Variants in PTPRD observed in about 807,000 individuals in gnomAD.
PTPRD encodes receptor-type tyrosine-protein phosphatase delta.
Under a neutral mutation model 214.5 loss-of-function variants are expected in PTPRD, and 34 were observed. The observed-to-expected ratio is 0.16, with a 90% confidence interval of 0.12 to 0.21. The LOEUF is 0.21. PTPRD is among the 10% of genes least tolerant of loss of function. The probability of loss-of-function intolerance (pLI) is 1.00; values close to 1 mark genes in which losing one functional copy is unlikely to be tolerated. For synonymous variants in PTPRD, 1,128 were observed against 845.7 expected (o/e 1.33, Z -5.79); for missense variants, 2,545 against 2,398.7 (o/e 1.06, Z -1.27).
At chr9:8,506,101 T>C (rs955857637) in intron 22 of PTPRD, among the ~76,000 whole-genome samples, 1 of 152,216 alleles carries the variant, frequency 6.6e-6, no homozygotes, top group African/African-American at 2.4e-5. Flanking sequence ...ACAGATGGAA[T>C]AAAACAGAAG....
At chr9:9,454,706 G>C (rs954499005) in intron 8 of PTPRD, among the ~76,000 whole-genome samples, 22 of 151,416 alleles carry the variant, frequency 1.5e-4, no homozygotes, top group Admixed American at 1.3e-3. Context: ...TATTTGTATA[G>C]CTATTTTGCA....
intron 7 of PTPRD, among the ~76,000 whole-genome samples, chr9:9,636,217 C>A (rs1306536189): frequency 6.6e-6 from 1 of 152,154 alleles, no homozygotes; most frequent in African/African-American, 2.4e-5. Flanking sequence ...CTCCTTAAGC[C>A]TCCTCAGGAA....
chr9:8,330,484 G>C (rs1563980402), intron 44 of PTPRD, among the ~76,000 whole-genome samples: 1 of 152,162 alleles, frequency 6.6e-6, no homozygotes, highest in Non-Finnish European at 1.5e-5. Flanking sequence ...TAACGTCTCT[G>C]AGGTATGCCT....
intron 30 of PTPRD, among the ~76,000 whole-genome samples, chr9:8,471,526 G>A (rs2296100): frequency 0.21 from 32,637 of 151,986 alleles, 3,519 homozygotes; most frequent in East Asian, 0.29. Flanking sequence ...ACCTAGTAGT[G>A]CTGTTGTTTA....
Position 9,756,694 on chromosome 9 carries a change from T to C in PTPRD, c.-326+10116A>G, listed in dbSNP as rs1262950003. On this transcript the variant is annotated intron_variant, in intron 6 of 45. Coordinates refer to ENST00000381196, the MANE Select transcript of PTPRD (RefSeq NM_002839.4). Reference sequence around the variant, plus strand: ...GTGAATGTACTAACTGCCACTGCATTGTTCACTTTAACATGGTTATTTTTA... The same window carrying C: ...GTGAATGTACTAACTGCCACTGCATCGTTCACTTTAACATGGTTATTTTTA... 5.3e-5 allele frequency among the ~76,000 whole-genome samples: 8 copies of C among 152,186 alleles called. No individual in the cohort carries two copies. In the South Asian group the frequency reaches 1.0e-3, roughly 20 times the overall value.
chr9:9,815,031 G>A (rs1283887589), intron 5 of PTPRD, among the ~76,000 whole-genome samples: 1 of 151,876 alleles, frequency 6.6e-6, no homozygotes, highest in Non-Finnish European at 1.5e-5. Context: ...CAAAGTGTTC[G>A]TAAAGCCTCC....
intron 5 of PTPRD, among the ~76,000 whole-genome samples, chr9:9,885,149 T>C (rs2070365229): frequency 6.6e-6 from 1 of 151,964 alleles, no homozygotes; most frequent in African/African-American, 2.4e-5. Context: ...GAGCTTAAGG[T>C]ACTGCATGGT....
intron 2 of PTPRD, among the ~76,000 whole-genome samples, chr9:10,437,127 C>G (rs888602400): frequency 6.6e-6 from 1 of 151,786 alleles, no homozygotes; most frequent in Non-Finnish European, 1.5e-5. Context: ...CAGAACCCAT[C>G]ATCCCTATAT....
In PTPRD at chr9:8,479,039, G is replaced by C. The variant is rs148441586; in HGVS notation, c.3413+5080C>G. ...AGCAACCTGCCCACCGTTCTGGAAT[G>C]AGTTCTGTTTCTTCCTCACATTTTT... On this transcript the variant is annotated intron_variant, in intron 30 of 45. Coordinates refer to ENST00000381196, the MANE Select transcript of PTPRD (RefSeq NM_002839.4). Among the ~76,000 whole-genome samples, 810 of 152,282 alleles carry C rather than the reference G, an allele frequency of 5.3e-3. 7 individuals carry two copies. The highest frequency in any genetic ancestry group is 0.018 in the African/African-American group (765 of 41,566).
chr9:9,823,050 A>G (rs915664315), intron 5 of PTPRD, among the ~76,000 whole-genome samples: 71 of 152,274 alleles, frequency 4.7e-4, no homozygotes, highest in African/African-American at 1.6e-3. Context: ...ACAATAGCCA[A>G]TATATGGAAT....
At chr9:8,572,351 T>C (rs1298809755) in intron 14 of PTPRD, among the ~76,000 whole-genome samples, 11 of 151,976 alleles carry the variant, frequency 7.2e-5, no homozygotes, top group Admixed American at 7.2e-4. Context: ...ACATAAAAAG[T>C]CCCAGGTTTA....
intron 3 of PTPRD, among the ~76,000 whole-genome samples, chr9:10,263,736 AT>A (rs1468143440): frequency 6.6e-6 from 1 of 152,190 alleles, no homozygotes; most frequent in African/African-American, 2.4e-5. Flanking sequence ...AATTTGCAGA[AT>A]TTGCATAAAT....
chr9:10,398,855 T>A (rs2098221937), intron 2 of PTPRD, among the ~76,000 whole-genome samples: 1 of 151,984 alleles, frequency 6.6e-6, no homozygotes, highest in Non-Finnish European at 1.5e-5. Context: ...GTGAGAAAAC[T>A]GAGGCATAAA....
chr9:8,778,099 T>G (rs1295807916), intron 11 of PTPRD, among the ~76,000 whole-genome samples: 2 of 152,232 alleles, frequency 1.3e-5, no homozygotes, highest in Non-Finnish European at 2.9e-5. Context: ...ATACATTACA[T>G]TTCCATCTGA....
chr9:8,971,223 G>T (rs1037887079), intron 11 of PTPRD, among the ~76,000 whole-genome samples: 26 of 151,744 alleles, frequency 1.7e-4, no homozygotes, highest in African/African-American at 6.3e-4. Context: ...TACTTTATTA[G>T]ATATAAGTTA....
At chr9:10,529,620 T>A (rs1223345739) in intron 2 of PTPRD, among the ~76,000 whole-genome samples, 1 of 151,616 alleles carries the variant, frequency 6.6e-6, no homozygotes, top group Admixed American at 6.6e-5. Context: ...CTAATGTAGA[T>A]GATGGCTTGA....
intron 10 of PTPRD, among the ~76,000 whole-genome samples, chr9:9,052,629 T>C (rs1318345029): frequency 6.6e-6 from 1 of 152,194 alleles, no homozygotes. Context: ...ACTTGAACCA[T>C]GGACTTTCCC....
intron 8 of PTPRD, among the ~76,000 whole-genome samples, chr9:9,510,680 C>T (rs1243170715): frequency 1.3e-5 from 2 of 150,956 alleles, no homozygotes; most frequent in Non-Finnish European, 3.0e-5. Flanking sequence ...TTTGCCATTC[C>T]TTTCTTTCCA....
At chr9:9,639,795 A>G (rs1222300700) in intron 7 of PTPRD, among the ~76,000 whole-genome samples, 1 of 152,206 alleles carries the variant, frequency 6.6e-6, no homozygotes, top group Non-Finnish European at 1.5e-5. Flanking sequence ...TCCATATACT[A>G]AATCTCTGTT....
Sources: allele counts gnomAD v4.1 joint callset (sites outside exome capture counted in the v4.1 genomes callset), GRCh38; gene constraint gnomAD v4.1.1; transcripts MANE v1.5; gene names NCBI Gene and HGNC (gene_info 2026-07-23, HGNC 2026-07-21).